BICD1: variants seen among roughly 807,000 people sequenced by gnomAD.
BICD1 encodes the protein BICD cargo adaptor 1.
Under a neutral mutation model 92.5 loss-of-function variants are expected in BICD1, and 35 were observed. The ratio of observed to expected loss-of-function variants is 0.38; its 90% confidence interval spans 0.29 to 0.50. The LOEUF (loss-of-function observed/expected upper bound fraction) is 0.50. Ranked by LOEUF, BICD1 falls within the 20% of genes least tolerant of loss-of-function variation. BICD1 has a pLI of 0.93. For missense variants in BICD1, 950 were observed against 1,189.8 expected, an observed-to-expected ratio of 0.80 and a Z score of 2.97; for synonymous variants, 429 against 465.1, an observed-to-expected ratio of 0.92 and a Z score of 1.00.
At position 32,327,963 on chromosome 12, in the gene BICD1, C is replaced by A; in HGVS notation, c.1508C>A (p.Thr503Lys). 2 of 1,614,100 alleles carry A rather than the reference C, an allele frequency of 1.2e-6. No homozygotes were observed. The highest frequency in any genetic ancestry group is 8.5e-7 in the Non-Finnish European group (1 of 1,180,022). Residue 503 changes from threonine (T) to lysine (K), a missense_variant, in exon 5 of 10, where the codon ACG becomes AAG. Coordinates refer to ENST00000652176, the MANE Select transcript of BICD1 (RefSeq NM_001714.4). ...IANENHSTLN[T>K]AQDELVTFSE... is the part of the protein sequence containing the mutation. The stretch of plus-strand genomic sequence containing the variant: ...AACGAAAATCACAGTACCCTTAATA[C>A]GGCCCAGGATGAGTTAGTGACATTC...
intron 2 of BICD1, among the ~76,000 whole-genome samples, chr12:32,236,132 C>T (rs192994349): frequency 2.0e-5 from 3 of 151,644 alleles, no homozygotes; most frequent in African/African-American, 7.3e-5. Flanking sequence ...TGGTAGTTCA[C>T]GCCTGTAATC....
At position 32,306,313 on chromosome 12, in the gene BICD1, G is replaced by A. The variant is rs187323658; in HGVS notation, c.1005+191G>A. 2.3e-3 allele frequency among the ~76,000 whole-genome samples: 351 copies of A among 151,802 alleles called. 4 individuals are homozygous for A. The highest frequency in any genetic ancestry group is 0.016 in the East Asian group (80 of 5,144). On this transcript the variant is annotated intron_variant, in intron 4 of 9. Coordinates refer to ENST00000652176, the MANE Select transcript of BICD1 (RefSeq NM_001714.4). Reference sequence around the variant, plus strand: ...GGCTGGAGTACAGTGGTGCAATTTCGGCTCACTGCAACCTCCGCCTCCCAG... The same window carrying A: ...GGCTGGAGTACAGTGGTGCAATTTCAGCTCACTGCAACCTCCGCCTCCCAG...
At chr12:32,154,923 G>T (rs948659667) in intron 1 of BICD1, among the ~76,000 whole-genome samples, 4 of 151,844 alleles carry the variant, frequency 2.6e-5, no homozygotes, top group African/African-American at 9.7e-5. Flanking sequence ...ATGATCCCTC[G>T]TCAGTTTTTC....
intron 1 of BICD1, among the ~76,000 whole-genome samples, chr12:32,188,936 G>A (rs1055202408): frequency 4.6e-5 from 7 of 152,082 alleles, no homozygotes; most frequent in African/African-American, 1.4e-4. Context: ...CACCATGTTG[G>A]CCAGGCTGGT....
At chr12:32,281,776 C>T (rs770003387) in intron 2 of BICD1, among the ~76,000 whole-genome samples, 1 of 152,010 alleles carries the variant, frequency 6.6e-6, no homozygotes, top group Non-Finnish European at 1.5e-5. Flanking sequence ...CAGCTAAGCT[C>T]ATCCCAACAA....
chr12:32,341,366 C>G (rs571836578), intron 8 of BICD1, among the ~76,000 whole-genome samples: 24 of 150,760 alleles, frequency 1.6e-4, no homozygotes, highest in Admixed American at 3.3e-4. Flanking sequence ...ACTCAGGAGG[C>G]TAAAGTGGGA....
chr12:32,198,325 T>TATA (rs1944789047), intron 1 of BICD1, among the ~76,000 whole-genome samples: 1 of 87,636 alleles, frequency 1.1e-5, no homozygotes, highest in African/African-American at 5.3e-5. Context: ...ATAATATGCA[T>TATA]CTATCTATAT....
intron 2 of BICD1, among the ~76,000 whole-genome samples, chr12:32,293,667 C>A (rs147631554): frequency 1.3e-5 from 2 of 152,226 alleles, no homozygotes; most frequent in African/African-American, 4.8e-5. Flanking sequence ...ATGTTCCGTT[C>A]AATGGATGCA....
intron 8 of BICD1, among the ~76,000 whole-genome samples, chr12:32,365,614 T>TTACATCCA (rs1318395050): frequency 6.6e-6 from 1 of 152,182 alleles, no homozygotes; most frequent in African/African-American, 2.4e-5. Flanking sequence ...AGAGTGGTTT[T>TTACATCCA]TACATCCATT....
rs373828435 is a variant in BICD1, at chr12:32,232,177, G to T, written c.426+15718G>T. Among the ~76,000 whole-genome samples the T allele has an allele frequency of 3.4e-5, 5 of 148,828 alleles. No homozygotes were observed. The East Asian group carries it at 6.0e-4, about 18-fold the overall frequency. Reference sequence around the variant, plus strand: ...GGAATCGCCACACTGACTTCCACAAGGGTTGAACTAGTTTACAGTCCCACC... The same window carrying T: ...GGAATCGCCACACTGACTTCCACAATGGTTGAACTAGTTTACAGTCCCACC... On this transcript the variant is annotated intron_variant, in intron 2 of 9. Transcript: ENST00000652176.
chr12:32,369,171 A>G (rs988478699), intron 9 of BICD1, among the ~76,000 whole-genome samples: 2 of 152,250 alleles, frequency 1.3e-5, no homozygotes, highest in African/African-American at 4.8e-5. Context: ...TTCCAAAGGA[A>G]AGCTTTCCAA....
intron 4 of BICD1, among the ~76,000 whole-genome samples, chr12:32,320,918 A>T (rs1053338922): frequency 3.9e-5 from 6 of 152,104 alleles, no homozygotes; most frequent in African/African-American, 1.4e-4. Flanking sequence ...AAACTCCTCA[A>T]CTCTCTGTTG....
chr12:32,265,747 G>C (rs1020420617), intron 2 of BICD1, among the ~76,000 whole-genome samples: 2 of 148,354 alleles, frequency 1.3e-5, no homozygotes, highest in South Asian at 4.3e-4. Context: ...AAAAAGAAAA[G>C]AAAATTACAG....
intron 1 of BICD1, among the ~76,000 whole-genome samples, chr12:32,212,865 A>G (rs1945257327): frequency 6.6e-6 from 1 of 152,166 alleles, no homozygotes; most frequent in Non-Finnish European, 1.5e-5. Flanking sequence ...GTTTCACCAA[A>G]TCTATCAACT....
At chr12:32,137,289 G>A (rs1428032733) in intron 1 of BICD1, among the ~76,000 whole-genome samples, 7 of 151,892 alleles carry the variant, frequency 4.6e-5, no homozygotes, top group East Asian at 1.9e-4. Flanking sequence ...GGGTTTTGCC[G>A]TGTTTGCCAG....
At chr12:32,372,468 G>A (rs1034653271) in intron 9 of BICD1, among the ~76,000 whole-genome samples, 1 of 152,092 alleles carries the variant, frequency 6.6e-6, no homozygotes, top group African/African-American at 2.4e-5. Context: ...GCAACAGAGT[G>A]AGACTCCATC....
intron 1 of BICD1, among the ~76,000 whole-genome samples, chr12:32,138,569 C>T (rs953528048): frequency 6.6e-6 from 1 of 152,090 alleles, no homozygotes; most frequent in African/African-American, 2.4e-5. Context: ...TGGGTGCCCA[C>T]ACGTCTATTC....
At chr12:32,245,250 G>GTTT (rs1264562131) in intron 2 of BICD1, among the ~76,000 whole-genome samples, 12 of 119,574 alleles carry the variant, frequency 1.0e-4, no homozygotes, top group African/African-American at 3.3e-4. Flanking sequence ...TTTGTTTTTT[G>GTTT]TTTTTTTTTT....
chr12:32,258,360 G>T (rs1273600911), intron 2 of BICD1, among the ~76,000 whole-genome samples: 1 of 152,074 alleles, frequency 6.6e-6, no homozygotes, highest in Non-Finnish European at 1.5e-5. Context: ...TGAAATCGAA[G>T]ACCTTTTAAT....
Sources: allele counts gnomAD v4.1 joint callset (sites outside exome capture counted in the v4.1 genomes callset), GRCh38; gene constraint gnomAD v4.1.1; transcripts MANE v1.5; gene names NCBI Gene and HGNC (gene_info 2026-07-23, HGNC 2026-07-21).